The following KRTAP7-1 variants were observed in gnomAD, a reference collection of about 807,000 sequenced individuals.
KRTAP7-1 encodes keratin associated protein 7-1, also known as keratin-associated protein 7-1.
Under a neutral mutation model 5.1 loss-of-function variants are expected in KRTAP7-1, and 4 were observed. The ratio of observed to expected loss-of-function variants is 0.78; its 90% CI spans 0.38 to 1.79. KRTAP7-1 has a LOEUF of 1.79. KRTAP7-1 is among the 40% of genes most tolerant of loss of function. The pLI, the probability that KRTAP7-1 is intolerant of heterozygous loss-of-function variation, is 0.04. For synonymous variants in KRTAP7-1, 42 were observed against 41.5 expected, an observed-to-expected ratio of 1.01 and a Z score of -0.05; for missense variants, 98 against 105.3, an observed-to-expected ratio of 0.93 and a Z score of 0.30.
chr21:30,829,510 G>A lies in KRTAP7-1; in HGVS notation c.189C>T (p.Asn63=), dbSNP rs1448418574. ...AGCTACCACCATAGCAGCCGCCCAG[G>A]TTGTTGATGTTGCTACCACCAAAGC... The part of the protein sequence containing the change: ...GYSFGGSNIN[N]LGGCYGGSFY... Residue 63 remains asparagine, a synonymous_variant, in exon 1 of 1, where the codon AAC becomes AAT. Transcript: ENST00000621162. 13 of 1,551,532 alleles carry A rather than the reference G, an allele frequency of 8.4e-6. No individual in the cohort carries two copies. Among genetic ancestry groups the A allele is most frequent in the Non-Finnish European group, 1.0e-5 (12 of 1,146,966 alleles).
chr21:30,829,183 G>T lies in KRTAP7-1; in HGVS notation c.*252C>A. Reference sequence around the variant, plus strand: ...ATGGGAGGCAAACTACTTTTTCACTGTTAAAATTCAAGTATGACCAAAAAA... The same window carrying T: ...ATGGGAGGCAAACTACTTTTTCACTTTTAAAATTCAAGTATGACCAAAAAA... On this transcript the variant is annotated 3_prime_UTR_variant, in exon 1 of 1. Transcript: ENST00000621162. The T allele has an allele frequency of 2.1e-6, 1 of 471,674 alleles. No individual in the cohort carries two copies. The highest frequency in any genetic ancestry group is 1.9e-5 in the African/African-American group (1 of 51,716). 29.2% of individuals were successfully genotyped at this position (471,674 alleles called of 1,614,324 possible).
chr21:30,829,646 C>G lies in KRTAP7-1; in HGVS notation c.53G>C (p.Gly18Ala). ...TCTGAAGGTCCCATGGAAGTTGGTC[C>G]CATAGATAGGGTATCCTGGGAAGTA... ...GSYFPGYPIY[G>A]TNFHGTFRAT... The change falls in exon 1 of 1, where the codon GGG becomes GCG. Residue 18 changes from glycine (G) to alanine (A), a missense_variant. Transcript: ENST00000621162. 1 of 1,551,422 alleles carries G rather than the reference C, an allele frequency of 6.4e-7. No individual in the cohort carries two copies. The highest frequency in any genetic ancestry group is 8.7e-7 in the Non-Finnish European group (1 of 1,146,832).
In KRTAP7-1 at chr21:30,829,738, G is replaced by A. The variant is rs536103421; in HGVS notation, c.-40C>T. 2.0e-6 allele frequency: 3 copies of A among 1,510,322 alleles called. No homozygotes were observed. Among genetic ancestry groups the A allele is most frequent in the African/African-American group, 1.4e-5 (1 of 72,134 alleles). The allele number at this position is 1,510,322 out of a possible 1,614,324, so 93.6% of individuals were successfully genotyped here. A position where few individuals can be genotyped will look rare whatever the true frequency, so the allele number is the denominator to read the frequency against. Reference sequence around the variant, plus strand: ...AGAAGGATTTAGATGGATTGTGAAGGGTAAGTTACCCAAGTGTTAATGAAG... The same window carrying A: ...AGAAGGATTTAGATGGATTGTGAAGAGTAAGTTACCCAAGTGTTAATGAAG... On this transcript the variant is annotated 5_prime_UTR_variant, in exon 1 of 1. Coordinates refer to ENST00000621162, the MANE Select transcript of KRTAP7-1 (RefSeq NM_181606.3).
rs1444116076 is a variant in KRTAP7-1 at position 30,829,415 on chromosome 21, T to C, written c.*20A>G. The C allele has an allele frequency of 1.2e-5, 18 of 1,548,902 alleles. No individual in the cohort carries two copies. The highest frequency in any genetic ancestry group is 1.5e-5 in the Non-Finnish European group (17 of 1,145,882). ...AGAGAATTAATTGAGAGTCCTGTAG[T>C]CACTGGAGCCATTGGTCCATCAGTA... On this transcript the variant is annotated 3_prime_UTR_variant, in exon 1 of 1. Transcript: ENST00000621162.
Position 30,829,447 on chromosome 21 carries a change from G to C in KRTAP7-1, c.252C>G (p.Tyr84Ter), listed in dbSNP as rs1036004216. The change falls in exon 1 of 1, where the codon TAC becomes TAG. Residue 84 changes from tyrosine to a stop codon, truncating the protein, a stop_gained. Transcript: ENST00000621162. LOFTEE classifies it high-confidence loss of function. ...RPWGSGSGFG[Y>*]STY ...AGCCATTGGTCCATCAGTAGGTGCTGTAGCCAAAGCCAGAGCCAGAGCCCC... is the reference window on the plus strand; with the variant it reads ...AGCCATTGGTCCATCAGTAGGTGCTCTAGCCAAAGCCAGAGCCAGAGCCCC... The C allele has an allele frequency of 3.2e-5, 50 of 1,551,414 alleles. No homozygotes were observed. The highest frequency in any genetic ancestry group is 4.3e-5 in the Non-Finnish European group (49 of 1,146,886).
At position 30,829,352 on chromosome 21, in the gene KRTAP7-1, G is replaced by A. The variant is rs1985241590; in HGVS notation, c.*83C>T. 2 of 1,411,554 alleles carry A rather than the reference G, an allele frequency of 1.4e-6. No individual in the cohort carries two copies. The highest frequency in any genetic ancestry group is 1.4e-5 in the South Asian group (1 of 70,930). 87.4% of individuals were successfully genotyped at this position (1,411,554 alleles called of 1,614,324 possible). On this transcript the variant is annotated 3_prime_UTR_variant, in exon 1 of 1. Transcript: ENST00000621162. ...ATGTATCACCCAAGCACATGGGAAG[G>A]TAGGAAGACAGTCATTGCTCTTCAG... is the stretch of plus-strand genomic sequence containing the variant.
Position 30,829,212 on chromosome 21 carries a change from C to G in KRTAP7-1, c.*223G>C. On this transcript the variant is annotated 3_prime_UTR_variant, in exon 1 of 1. Coordinates refer to ENST00000621162, the MANE Select transcript of KRTAP7-1 (RefSeq NM_181606.3). ...AAATTCAAGTATGACCAAAAAAATG[C>G]ATCTTGCTTCCTTTGTCTGTAGATG... 1.9e-6 allele frequency: 1 copy of G among 519,106 alleles called. No individual in the cohort carries two copies. The highest frequency in any genetic ancestry group is 3.6e-5 in the Admixed American group (1 of 27,710). 32.2% of individuals were successfully genotyped at this position (519,106 alleles called of 1,614,324 possible).
rs1282026639 is a variant in KRTAP7-1 at position 30,829,567 on chromosome 21, A to G, written c.132T>C (p.Cys44=). The change falls in exon 1 of 1, where the codon TGT becomes TGC. Residue 44 remains cysteine (C), a synonymous_variant. Coordinates refer to ENST00000621162, the MANE Select transcript of KRTAP7-1 (RefSeq NM_181606.3). The part of the protein sequence containing the change: ...VPLGSPLNYG[C]GCNGYSSLGY... ...CCAGGGAGCTGTAGCCATTGCATCC[A>G]CAGCCATAGTTCAGGGGAGAGCCCA... The G allele has an allele frequency of 3.2e-6, 5 of 1,551,652 alleles. No individual in the cohort carries two copies. The highest frequency in any genetic ancestry group is 4.4e-6 in the Non-Finnish European group (5 of 1,146,952).
rs767168286 is a variant in KRTAP7-1 at position 30,829,258 on chromosome 21, G to A, written c.*177C>T. The A allele has an allele frequency of 1.5e-6, 1 of 685,818 alleles. No individual in the cohort carries two copies. The highest frequency in any genetic ancestry group is 2.4e-6 in the Non-Finnish European group (1 of 417,560). 42.5% of individuals were successfully genotyped at this position (685,818 alleles called of 1,614,324 possible). A position where few individuals can be genotyped will look rare whatever the true frequency, so the allele number is the denominator to read the frequency against. The stretch of plus-strand genomic sequence containing the variant: ...AGATGAGTATCAGTTCAGCACCTGA[G>A]TCCTGGGTGACTTGTCCAACAGCAT... On this transcript the variant is annotated 3_prime_UTR_variant, in exon 1 of 1. Transcript: ENST00000621162.
Position 30,829,517 on chromosome 21 carries a change from A to C in KRTAP7-1, c.182T>G (p.Ile61Ser), listed in dbSNP as rs9982675. 684,962 of 1,550,732 alleles carry C rather than the reference A, an allele frequency of 0.44. 153,712 individuals carry two copies. Among genetic ancestry groups the C allele is most frequent in the Admixed American group, 0.64 (32,636 of 50,934 alleles). The change falls in exon 1 of 1, where the codon ATC becomes AGC. Residue 61 changes from isoleucine to serine, a missense_variant. Physicochemically the swap from Ile to Ser is moderately radical, Grantham distance 142. Transcript: ENST00000621162. ...ACCATAGCAGCCGCCCAGGTTGTTG[A>C]TGTTGCTACCACCAAAGCTGTAGCC... ...SLGYSFGGSNINNLGGCYGGS... is the reference protein window; with the variant it reads ...SLGYSFGGSNSNNLGGCYGGS...
chr21:30,829,753 T>C lies in KRTAP7-1; in HGVS notation c.-55A>G. 3 of 1,478,362 alleles carry C rather than the reference T, an allele frequency of 2.0e-6. 1 individual carries two copies. In the South Asian group the frequency reaches 4.1e-5, roughly 20 times the overall value. The allele number at this position is 1,478,362 out of a possible 1,614,324, so 91.6% of individuals were successfully genotyped here. ...GATTGTGAAGGGTAAGTTACCCAAG[T>C]GTTAATGAAGGTCTCTTCCCGTACA... On this transcript the variant is annotated 5_prime_UTR_variant, in exon 1 of 1. Transcript: ENST00000621162.
At position 30,829,559 on chromosome 21, in the gene KRTAP7-1, T is replaced by C. The variant is rs1211086083; in HGVS notation, c.140A>G (p.Asn47Ser). 56 of 1,551,490 alleles carry C rather than the reference T, an allele frequency of 3.6e-5. No individual in the cohort carries two copies. The highest frequency in any genetic ancestry group is 4.5e-5 in the Non-Finnish European group (52 of 1,146,962). The change falls in exon 1 of 1, where the codon AAT becomes AGT. Residue 47 changes from asparagine to serine, a missense_variant. Physicochemically the swap from Asn to Ser is conservative, Grantham distance 46 (BLOSUM62 1). Transcript: ENST00000621162. ...GCTGTAGCCCAGGGAGCTGTAGCCA[T>C]TGCATCCACAGCCATAGTTCAGGGG... ...GSPLNYGCGC[N>S]GYSSLGYSFG... is the part of the protein sequence containing the mutation.
Position 30,829,344 on chromosome 21 carries a change from A to G in KRTAP7-1, c.*91T>C, listed in dbSNP as rs1985241459. 2 of 1,372,442 alleles carry G rather than the reference A, an allele frequency of 1.5e-6. No individual in the cohort carries two copies. The highest frequency in any genetic ancestry group is 2.0e-6 in the Non-Finnish European group (2 of 1,018,838). 85.0% of individuals were successfully genotyped at this position (1,372,442 alleles called of 1,614,324 possible). A position where few individuals can be genotyped will look rare whatever the true frequency, so the allele number is the denominator to read the frequency against. The stretch of plus-strand genomic sequence containing the variant: ...GATGGAAGATGTATCACCCAAGCAC[A>G]TGGGAAGGTAGGAAGACAGTCATTG... On this transcript the variant is annotated 3_prime_UTR_variant, in exon 1 of 1. Coordinates refer to ENST00000621162, the MANE Select transcript of KRTAP7-1 (RefSeq NM_181606.3).
At position 30,829,354 on chromosome 21, in the gene KRTAP7-1, A is replaced by C. The variant is rs1418484283; in HGVS notation, c.*81T>G. ...GTATCACCCAAGCACATGGGAAGGT[A>C]GGAAGACAGTCATTGCTCTTCAGGT... is the stretch of plus-strand genomic sequence containing the variant. On this transcript the variant is annotated 3_prime_UTR_variant, in exon 1 of 1. Coordinates refer to ENST00000621162, the MANE Select transcript of KRTAP7-1 (RefSeq NM_181606.3). The C allele has an allele frequency of 1.4e-6, 2 of 1,415,444 alleles. No individual in the cohort carries two copies. Among genetic ancestry groups the C allele is most frequent in the Non-Finnish European group, 1.9e-6 (2 of 1,053,524 alleles). The allele number at this position is 1,415,444 out of a possible 1,614,324, so 87.7% of individuals were successfully genotyped here.
rs1045077993 is a variant in KRTAP7-1, at chr21:30,829,525, A to G, written c.174T>C (p.Gly58=). 4 of 1,551,490 alleles carry G rather than the reference A, an allele frequency of 2.6e-6. No individual in the cohort carries two copies. Among genetic ancestry groups the G allele is most frequent in the Admixed American group, 3.9e-5 (2 of 50,990 alleles). Residue 58 remains glycine, a synonymous_variant, in exon 1 of 1, where the codon GGT becomes GGC. Transcript: ENST00000621162. ...AGCCGCCCAGGTTGTTGATGTTGCTACCACCAAAGCTGTAGCCCAGGGAGC... is the reference window on the plus strand; with the variant it reads ...AGCCGCCCAGGTTGTTGATGTTGCTGCCACCAAAGCTGTAGCCCAGGGAGC... ...GYSSLGYSFG[G]SNINNLGGCY... is the part of the protein sequence containing the mutation.
At position 30,829,282 on chromosome 21, in the gene KRTAP7-1, A is replaced by G. The variant is rs1390231430; in HGVS notation, c.*153T>C. The G allele has an allele frequency of 1.2e-6, 1 of 855,534 alleles. No homozygotes were observed. The highest frequency in any genetic ancestry group is 1.7e-5 in the African/African-American group (1 of 58,566). 53.0% of individuals were successfully genotyped at this position (855,534 alleles called of 1,614,324 possible). A position where few individuals can be genotyped will look rare whatever the true frequency, so the allele number is the denominator to read the frequency against. ...AGTCCTGGGTGACTTGTCCAACAGCATCAAAGACAAAGACCACAGCAAGAA... is the reference window on the plus strand; with the variant it reads ...AGTCCTGGGTGACTTGTCCAACAGCGTCAAAGACAAAGACCACAGCAAGAA... On this transcript the variant is annotated 3_prime_UTR_variant, in exon 1 of 1. Transcript: ENST00000621162.
Position 30,829,490 on chromosome 21 carries a change from C to T in KRTAP7-1, c.209G>A (p.Gly70Asp). The change falls in exon 1 of 1, where the codon GGT (glycine) becomes GAT (aspartate). Residue 70 changes from glycine to aspartate, a missense_variant. By Grantham distance (94) the Gly-to-Asp change is moderately conservative. Coordinates refer to ENST00000621162, the MANE Select transcript of KRTAP7-1 (RefSeq NM_181606.3). ...NINNLGGCYG[G>D]SFYRPWGSGS... ...AGAGCCCCATGGCCTATAGAAGCTA[C>T]CACCATAGCAGCCGCCCAGGTTGTT... is the stretch of plus-strand genomic sequence containing the variant. The T allele has an allele frequency of 6.4e-7, 1 of 1,551,668 alleles. No homozygotes were observed. The highest frequency in any genetic ancestry group is 2.4e-5 in the East Asian group (1 of 40,900).
At position 30,829,406 on chromosome 21, in the gene KRTAP7-1, G is replaced by C. The variant is rs764781815; in HGVS notation, c.*29C>G. ...GTTCTGTGCAGAGAATTAATTGAGA[G>C]TCCTGTAGTCACTGGAGCCATTGGT... On this transcript the variant is annotated 3_prime_UTR_variant, in exon 1 of 1. Transcript: ENST00000621162. 1.3e-6 allele frequency: 2 copies of C among 1,546,574 alleles called. No homozygotes were observed. Among genetic ancestry groups the C allele is most frequent in the Non-Finnish European group, 1.7e-6 (2 of 1,144,748 alleles).
chr21:30,829,326 G>T lies in KRTAP7-1; in HGVS notation c.*109C>A. ...GCAAGAAGTCAGCAAGAAGATGGAA[G>T]ATGTATCACCCAAGCACATGGGAAG... On this transcript the variant is annotated 3_prime_UTR_variant, in exon 1 of 1. Transcript: ENST00000621162. The T allele has an allele frequency of 8.1e-7, 1 of 1,237,060 alleles. No individual in the cohort carries two copies. The highest frequency in any genetic ancestry group is 1.6e-5 in the South Asian group (1 of 63,424). The allele number at this position is 1,237,060 out of a possible 1,614,324, so 76.6% of individuals were successfully genotyped here. A position where few individuals can be genotyped will look rare whatever the true frequency, so the allele number is the denominator to read the frequency against.
Sources: allele counts gnomAD v4.1 joint callset, GRCh38; gene constraint gnomAD v4.1.1; transcripts MANE v1.5; gene names NCBI Gene and HGNC (gene_info 2026-07-23, HGNC 2026-07-21).